Variants in CALN1 observed in about 807,000 individuals in gnomAD.
CALN1 encodes calcium-binding protein 8.
Under a neutral mutation model 30.6 loss-of-function variants are expected in CALN1, and 17 were observed. The observed-to-expected ratio is 0.56, with a 90% CI of 0.38 to 0.83. The LOEUF is 0.83. Ranked by LOEUF, CALN1 falls within the 40% of genes least tolerant of loss-of-function variation. The pLI, the probability that CALN1 is intolerant of heterozygous loss-of-function variation, is 0.00. For synonymous variants in CALN1, 156 were observed against 131.4 expected (o/e 1.19, Z -1.28); for missense variants, 291 against 354.9 (o/e 0.82, Z 1.45).
intron 2 of CALN1, among the ~76,000 whole-genome samples, chr7:72,297,943 T>C (rs957967681): frequency 9.9e-5 from 15 of 152,222 alleles, no homozygotes; most frequent in African/African-American, 2.9e-4. Context: ...TCTCACACAG[T>C]TGACAAAGTT....
At chr7:72,189,446 G>T (rs1045954605) in intron 3 of CALN1, among the ~76,000 whole-genome samples, 2 of 152,186 alleles carry the variant, frequency 1.3e-5, no homozygotes, top group Non-Finnish European at 2.9e-5. Context: ...AGGAATAAGT[G>T]TTGGACATTA....
At chr7:71,825,532 C>G (rs61467749) in intron 5 of CALN1, among the ~76,000 whole-genome samples, 21,302 of 152,098 alleles carry the variant, frequency 0.14, 4,965 homozygotes, top group African/African-American at 0.48. Flanking sequence ...TGGACTCACA[C>G]TTCCACATGG....
At chr7:72,358,124 C>T (rs935297063) in intron 2 of CALN1, among the ~76,000 whole-genome samples, 2 of 151,502 alleles carry the variant, frequency 1.3e-5, no homozygotes, top group African/African-American at 4.9e-5. Context: ...CCCAAAGTGC[C>T]GGGGTTATAG....
intron 5 of CALN1, among the ~76,000 whole-genome samples, chr7:71,891,460 C>A (rs1487577440): frequency 6.6e-6 from 1 of 152,204 alleles, no homozygotes; most frequent in Admixed American, 6.5e-5. Context: ...AGAGCAGGGA[C>A]TCTGGAGCAG....
At chr7:71,873,644 G>T (rs554944268) in intron 5 of CALN1, among the ~76,000 whole-genome samples, 1 of 152,216 alleles carries the variant, frequency 6.6e-6, no homozygotes, top group African/African-American at 2.4e-5. Flanking sequence ...TGCAGTGCTT[G>T]TTTAAAACAA....
At position 72,054,411 on chromosome 7, in the gene CALN1, A is replaced by ATG. The variant is rs1176471139; in HGVS notation, c.389-30643_389-30642insCA. Among the ~76,000 whole-genome samples, 95 of 103,148 alleles carry ATG rather than the reference A, an allele frequency of 9.2e-4. 6 individuals are homozygous for ATG. The East Asian group carries it at 0.018, about 19-fold the overall frequency. 67.7% of individuals were successfully genotyped at this position (103,148 alleles called of 152,430 possible). ...TGGCTGCATATATGTACATATATAT[A>ATG]TATATACGTGTATATATACACGTAT... On this transcript the variant is annotated intron_variant, in intron 4 of 6. Coordinates refer to ENST00000395275, the MANE Select transcript of CALN1 (RefSeq NM_031468.4).
rs1792800440 is a variant in CALN1 at position 71,783,029 on chromosome 7, T to A, written c.*4746A>T. The stretch of plus-strand genomic sequence containing the variant: ...CCTCCCAAAGTGCTGGGATTATAGG[T>A]GTGAGCCACCGCACCTGGTCCTTAA... On this transcript the variant is annotated 3_prime_UTR_variant, in exon 7 of 7. Transcript: ENST00000395275. 6.6e-6 allele frequency: 1 copy of A among 152,100 alleles called. No homozygotes were observed. Among genetic ancestry groups the A allele is most frequent in the Non-Finnish European group, 1.5e-5 (1 of 68,064 alleles). 9.4% of individuals were successfully genotyped at this position (152,100 alleles called of 1,614,324 possible).
chr7:72,265,343 T>C (rs1796532029), intron 3 of CALN1, among the ~76,000 whole-genome samples: 1 of 152,196 alleles, frequency 6.6e-6, no homozygotes, highest in African/African-American at 2.4e-5. Context: ...CAGTGAGTCA[T>C]TGCTGCTAGA....
At chr7:72,144,352 C>G (rs1283146933) in intron 3 of CALN1, among the ~76,000 whole-genome samples, 1 of 151,984 alleles carries the variant, frequency 6.6e-6, no homozygotes, top group Non-Finnish European at 1.5e-5. Flanking sequence ...GACTTTAAAC[C>G]AACAAAGATT....
chr7:72,309,988 T>G (rs1799931813), intron 2 of CALN1, among the ~76,000 whole-genome samples: 1 of 152,086 alleles, frequency 6.6e-6, no homozygotes, highest in South Asian at 2.1e-4. Context: ...CCTGTTCACA[T>G]CGGTCCGCCA....
At chr7:72,107,693 C>T (rs920415677) in intron 3 of CALN1, among the ~76,000 whole-genome samples, 2 of 152,210 alleles carry the variant, frequency 1.3e-5, no homozygotes, top group Non-Finnish European at 2.9e-5. Flanking sequence ...CATCAATAAA[C>T]CCAGTGCAAG....
chr7:71,798,123 C>CAGAGAGAGAGAGAGAGAGAGAGAGAGAG (rs3973907), intron 6 of CALN1, among the ~76,000 whole-genome samples: 1 of 71,014 alleles, frequency 1.4e-5, no homozygotes, highest in Non-Finnish European at 2.6e-5. Flanking sequence ...GAGACAGAGA[C>CAGAGAGAGAGAGAGAGAGAGAGAGAGAG]AGAGAGAGAG....
intron 5 of CALN1, among the ~76,000 whole-genome samples, chr7:71,960,301 G>T (rs1358800350): frequency 6.6e-6 from 1 of 152,078 alleles, no homozygotes; most frequent in Non-Finnish European, 1.5e-5. Flanking sequence ...ACCCAATAGG[G>T]AATTTTTCAA....
chr7:72,070,990 T>C (rs1487736995), intron 4 of CALN1, among the ~76,000 whole-genome samples: 1 of 152,208 alleles, frequency 6.6e-6, no homozygotes, highest in Non-Finnish European at 1.5e-5. Flanking sequence ...TAGGAATCTG[T>C]TTCCCCACCT....
chr7:72,384,177 TAATAA>T lies in CALN1; in HGVS notation c.119+19069_119+19073del, dbSNP rs146177504. Among the ~76,000 whole-genome samples the T allele has an allele frequency of 4.1e-4, 62 of 152,330 alleles. No homozygotes were observed. The East Asian group carries it at 0.011, about 28-fold the overall frequency. On this transcript the variant is annotated intron_variant, in intron 2 of 6. Coordinates refer to ENST00000395275, the MANE Select transcript of CALN1 (RefSeq NM_031468.4). Reference sequence around the variant, plus strand: ...GGACATTTTTGCAGACTGTTGCCTTTAATAAAATAGTTTTTTTCCATTATGTGGAC... The same window carrying T: ...GGACATTTTTGCAGACTGTTGCCTTTAATAGTTTTTTTCCATTATGTGGAC...
chr7:71,811,056 G>A (rs754470399), intron 5 of CALN1, among the ~76,000 whole-genome samples: 20 of 151,778 alleles, frequency 1.3e-4, no homozygotes, highest in African/African-American at 2.4e-4. Flanking sequence ...CACCACGCCC[G>A]GCTAATTTTT....
intron 5 of CALN1, among the ~76,000 whole-genome samples, chr7:71,925,243 A>G (rs557045032): frequency 3.9e-4 from 59 of 151,244 alleles, no homozygotes; most frequent in Middle Eastern, 6.8e-3. Flanking sequence ...TCTGAGGGGG[A>G]GAGAGAGAGA....
intron 5 of CALN1, among the ~76,000 whole-genome samples, chr7:71,832,362 G>A (rs937175723): frequency 3.3e-5 from 5 of 152,132 alleles, no homozygotes; most frequent in East Asian, 3.8e-4. Context: ...TGAAGGGGAC[G>A]GAAAAGAGTC....
At chr7:72,373,119 A>C (rs768160965) in intron 2 of CALN1, among the ~76,000 whole-genome samples, 4 of 152,180 alleles carry the variant, frequency 2.6e-5, no homozygotes, top group African/African-American at 4.8e-5. Context: ...AAATTTAAAA[A>C]ACACACTTAA....
Sources: allele counts gnomAD v4.1 joint callset (sites outside exome capture counted in the v4.1 genomes callset), GRCh38; gene constraint gnomAD v4.1.1; transcripts MANE v1.5; gene names NCBI Gene and HGNC (gene_info 2026-07-23, HGNC 2026-07-21).